Variants in ABCA10 observed in about 807,000 individuals in gnomAD.
ABCA10 encodes ATP-binding cassette sub-family A member 10.
Under a neutral mutation model 187.5 loss-of-function variants are expected in ABCA10, and 169 were observed. The ratio of observed to expected loss-of-function variants is 0.90; its 90% CI spans 0.80 to 1.02. The LOEUF (loss-of-function observed/expected upper bound fraction) is 1.02, where lower values mean the gene tolerates loss of function less well. Ranked by LOEUF, ABCA10 falls within the 50% of genes least tolerant of loss-of-function variation. ABCA10 has a pLI of 0.00. For missense variants in ABCA10, 1,727 were observed against 1,812.4 expected, an observed-to-expected ratio of 0.95 and a Z score of 0.86; for synonymous variants, 574 against 601.8, an observed-to-expected ratio of 0.95 and a Z score of 0.68.
chr17:69,220,961 G>C (rs1022143874), intron 5 of ABCA10, among the ~76,000 whole-genome samples: 1 of 152,176 alleles, frequency 6.6e-6, no homozygotes, highest in African/African-American at 2.4e-5. Context: ...AATGTTGCTA[G>C]TCTACAAGTT....
At chr17:69,156,001 T>C in intron 28 of ABCA10, 76 bp from the exon 29 acceptor site, 4 of 1,433,938 alleles carry the variant, frequency 2.8e-6, no homozygotes, top group Non-Finnish European at 2.8e-6. Context: ...CCCCTATAAT[T>C]AAATTATTAT....
At chr17:69,148,969 G>A (rs763914842) in intron 38 of ABCA10, 44 bp from the exon 39 acceptor site, 40 of 1,612,472 alleles carry the variant, frequency 2.5e-5, no homozygotes, top group Non-Finnish European at 3.4e-5. Context: ...GTCAGGGTGT[G>A]TCTGAAAGAT....
chr17:69,201,164 G>A (rs2074540601), intron 10 of ABCA10, among the ~76,000 whole-genome samples: 1 of 152,114 alleles, frequency 6.6e-6, no homozygotes, highest in Non-Finnish European at 1.5e-5. Context: ...TTTGAAAAAC[G>A]TGTATAATAT....
At chr17:69,152,215 G>A (rs1170283595) in intron 35 of ABCA10, 32 bp from the exon 36 acceptor site, 2 of 1,589,638 alleles carry the variant, frequency 1.3e-6, no homozygotes, top group Admixed American at 3.7e-5. Context: ...AAAAATACTT[G>A]TCTCTTAATT....
rs144490479 is a variant in ABCA10, at chr17:69,179,406, G to A, written c.2769+2747C>T. On this transcript the variant is annotated intron_variant, in intron 22 of 38. Coordinates refer to ENST00000690296, the MANE Select transcript of ABCA10 (RefSeq NM_001377321.1). ...AGAAACTAAACTCAGGTAACTGATG[G>A]GTCCCTCTGGGGCCCACTGGCCACA... Among the ~76,000 whole-genome samples, 445 of 152,218 alleles carry A rather than the reference G, an allele frequency of 2.9e-3. 3 individuals are homozygous for A. Among genetic ancestry groups the A allele is most frequent in the Non-Finnish European group, 4.7e-3 (318 of 67,998 alleles).
intron 22 of ABCA10, among the ~76,000 whole-genome samples, chr17:69,177,962 A>AT (rs1199207734): frequency 1.1e-3 from 34 of 31,564 alleles, no homozygotes; most frequent in African/African-American, 3.3e-3. Context: ...TTTCAAAAAA[A>AT]AAAAAAAAAA....
intron 25 of ABCA10, among the ~76,000 whole-genome samples, chr17:69,172,309 A>C (rs1486176574): frequency 2.0e-5 from 3 of 152,178 alleles, no homozygotes; most frequent in Non-Finnish European, 1.5e-5. Context: ...TCAGAACATG[A>C]CTATATTTAG....
chr17:69,193,688 G>C (rs2074478363), intron 13 of ABCA10, 76 bp from the exon 14 acceptor site: 1 of 1,548,054 alleles, frequency 6.5e-7, no homozygotes, highest in Non-Finnish European at 8.7e-7. Flanking sequence ...AAATGAAAAG[G>C]ATTTAGTCTA....
At chr17:69,162,756 T>C (rs1461049475) in intron 27 of ABCA10, among the ~76,000 whole-genome samples, 1 of 151,464 alleles carries the variant, frequency 6.6e-6, no homozygotes, top group African/African-American at 2.4e-5. Context: ...ATTGGTATCG[T>C]TGCTTACAAA....
At position 69,196,896 on chromosome 17, in the gene ABCA10, C is replaced by G. The variant is rs576101605; in HGVS notation, c.1234+168G>C. Among the ~76,000 whole-genome samples the G allele has an allele frequency of 5.9e-5, 9 of 152,012 alleles. No homozygotes were observed. In the South Asian group the frequency reaches 1.9e-3, roughly 32 times the overall value. The stretch of plus-strand genomic sequence containing the variant: ...GGCGTGGCAGCACGCGCCTGCAATC[C>G]CAGGCACTCGGCAGGCACTCGGCAG... On this transcript the variant is annotated intron_variant, in intron 11 of 38. Transcript: ENST00000690296.
At chr17:69,218,656 T>C (rs938833747) in intron 6 of ABCA10, among the ~76,000 whole-genome samples, 1 of 149,336 alleles carries the variant, frequency 6.7e-6, no homozygotes, top group African/African-American at 2.6e-5. Flanking sequence ...ATGGAGAGCA[T>C]AGATATATAT....
chr17:69,214,118 C>T (rs561641077), intron 9 of ABCA10, among the ~76,000 whole-genome samples: 233 of 152,264 alleles, frequency 1.5e-3, no homozygotes, highest in Non-Finnish European at 2.7e-3. Flanking sequence ...TGTTTTCCTC[C>T]CTCTCTCAAA....
At chr17:69,212,724 G>A (rs540728317) in intron 9 of ABCA10, among the ~76,000 whole-genome samples, 1 of 152,038 alleles carries the variant, frequency 6.6e-6, no homozygotes, top group Admixed American at 6.6e-5. Context: ...GTCCCTCTTT[G>A]TCTTTTTAAC....
intron 16 of ABCA10, among the ~76,000 whole-genome samples, chr17:69,192,260 GTTGCAGCCAC>G (rs1480987308): frequency 6.6e-6 from 1 of 152,174 alleles, no homozygotes; most frequent in Non-Finnish European, 1.5e-5. Context: ...GGAGTTGGAG[GTTGCAGCCAC>G]TGCACTCCAG....
chr17:69,221,804 A>T lies in ABCA10; in HGVS notation c.291T>A (p.Ala97=), dbSNP rs759522581. The T allele has an allele frequency of 4.4e-6, 7 of 1,608,624 alleles. No individual in the cohort carries two copies. The East Asian group carries it at 1.6e-4, about 36-fold the overall frequency. Residue 97 remains alanine (A), a synonymous_variant, in exon 5 of 39, where the codon GCT becomes GCA. Coordinates refer to ENST00000690296, the MANE Select transcript of ABCA10 (RefSeq NM_001377321.1). ...GFVAFQAAIN[A]AIIEVTTNHS... is the part of the protein sequence containing the mutation. Reference sequence around the variant, plus strand: ...GTTAGGCACTTACTTCTATAATTGCAGCATTAATTGCAGCTTGAAAAGCTA... The same window carrying T: ...GTTAGGCACTTACTTCTATAATTGCTGCATTAATTGCAGCTTGAAAAGCTA...
At chr17:69,182,389 A>T in intron 21 of ABCA10, 99 bp from the exon 22 acceptor site, 1 of 1,095,524 alleles carries the variant, frequency 9.1e-7, no homozygotes, top group Non-Finnish European at 1.2e-6. Flanking sequence ...AATGAGAAGG[A>T]GACTATTAAT....
intron 16 of ABCA10, among the ~76,000 whole-genome samples, chr17:69,192,317 A>AAACG (rs1348262896): frequency 1.3e-5 from 2 of 151,522 alleles, no homozygotes; most frequent in Non-Finnish European, 2.9e-5. Flanking sequence ...TCAAAAAAAC[A>AAACG]AACAAACAAA....
intron 10 of ABCA10, among the ~76,000 whole-genome samples, chr17:69,198,950 C>T: frequency 6.6e-6 from 1 of 152,222 alleles, no homozygotes. Flanking sequence ...CCTTGGCAAG[C>T]AAAATCTTCC....
chr17:69,182,370 T>G (rs1476579782), intron 21 of ABCA10, 80 bp from the exon 22 acceptor site: 3 of 1,169,914 alleles, frequency 2.6e-6, no homozygotes, highest in Non-Finnish European at 3.4e-6. Flanking sequence ...ATTACCAGAG[T>G]GGAATTAGAA....
Sources: gnomAD v4.1 joint callset for allele counts (sites outside exome capture counted in the v4.1 genomes callset) on GRCh38, gnomAD v4.1.1 for gene constraint, MANE v1.5 for transcripts, NCBI Gene and HGNC (gene_info 2026-07-23, HGNC 2026-07-21) for gene names.